The following NME2 variants were observed in gnomAD, a reference collection of about 807,000 sequenced individuals.
The protein encoded by NME2 is NME/NM23 nucleoside diphosphate kinase 2.
In NME2, 18 loss-of-function variants were observed where a neutral mutation model predicts 17.8. The ratio of observed to expected loss-of-function variants is 1.01; its 90% confidence interval spans 0.70 to 1.50. NME2 has a LOEUF of 1.50. Ranked by LOEUF, NME2 falls within the 40% of genes most tolerant of loss-of-function variation. NME2 has a pLI of 0.00. For missense variants in NME2, 161 were observed against 195.6 expected, an observed-to-expected ratio of 0.82 and a Z score of 1.05; for synonymous variants, 74 against 71.4, an observed-to-expected ratio of 1.04 and a Z score of -0.19.
intron 3 of NME2, among the ~76,000 whole-genome samples, chr17:51,169,152 GGA>G (rs1397844596): frequency 6.6e-6 from 1 of 151,788 alleles, no homozygotes. Context: ...GAGAATATGA[GGA>G]GAGAGTGGCT....
rs148052705 is a variant in NME2 at position 51,171,601 on chromosome 17, A to G, written c.456A>G (p.Glu152=). ...CTTGTGCTCATGACTGGGTCTATGA[A>G]TAAGAGGTGGACACAACAGCAGTCT... is the stretch of plus-strand genomic sequence containing the variant. ...YKSCAHDWVY[E] Residue 152 remains glutamate (E), a synonymous_variant, in exon 5 of 5, where the codon GAA becomes GAG. Transcript: ENST00000512737. 142 of 1,612,150 alleles carry G rather than the reference A, an allele frequency of 8.8e-5. No individual in the cohort carries two copies. The highest frequency in any genetic ancestry group is 1.1e-4 in the Non-Finnish European group (135 of 1,178,382).
chr17:51,166,727 C>G (rs1396469066), intron 1 of NME2, 100 bp from the exon 2 acceptor site: 1 of 1,275,110 alleles, frequency 7.8e-7, no homozygotes, highest in African/African-American at 1.6e-5. Flanking sequence ...TCCCCGCGGC[C>G]GCGCGTGGTG....
chr17:51,170,565 A>G (rs2050050452), intron 4 of NME2, among the ~76,000 whole-genome samples: 1 of 151,692 alleles, frequency 6.6e-6, no homozygotes, highest in African/African-American at 2.4e-5. Context: ...AGATGGGTGG[A>G]TCACCTGAAG....
Position 51,170,625 on chromosome 17 carries a change from T to C in NME2, c.341+576T>C, listed in dbSNP as rs560258416. On this transcript the variant is annotated intron_variant, in intron 4 of 4. Coordinates refer to ENST00000512737, the MANE Select transcript of NME2 (RefSeq NM_002512.4). ...GCCTGGCCAACATGAACCCCGTCTC[T>C]ACTAAAAGTAAAAAATTAGGGCATG... Among the ~76,000 whole-genome samples, 6 of 151,764 alleles carry C rather than the reference T, an allele frequency of 4.0e-5. No individual in the cohort carries two copies. In the East Asian group the frequency reaches 1.2e-3, roughly 30 times the overall value.
chr17:51,167,120 C>A (rs2049961110), intron 2 of NME2, 164 bp downstream of exon 2: 1 of 1,453,694 alleles, frequency 6.9e-7, no homozygotes, highest in African/African-American at 1.4e-5. Context: ...CGACCCTTTC[C>A]CGGGGTGGTG....
intron 3 of NME2, among the ~76,000 whole-genome samples, chr17:51,168,628 G>A (rs1480264484): frequency 3.3e-5 from 5 of 152,016 alleles, no homozygotes; most frequent in East Asian, 3.9e-4. Context: ...CCGAGATCGT[G>A]CCACTGCACT....
chr17:51,166,701 G>T (rs985246302), intron 1 of NME2, 126 bp from the exon 2 acceptor site: 101 of 1,050,402 alleles, frequency 9.6e-5, no homozygotes, highest in Admixed American at 4.0e-4. Flanking sequence ...GGCGGAAGCG[G>T]CCGGGAAGCC....
intron 4 of NME2, among the ~76,000 whole-genome samples, chr17:51,170,519 G>C (rs2050049222): frequency 1.3e-5 from 2 of 151,814 alleles, no homozygotes; most frequent in African/African-American, 4.8e-5. Context: ...TCAGGCCAGG[G>C]GTTTACGCCT....
chr17:51,168,382 G>C lies in NME2; in HGVS notation c.228+39G>C, dbSNP rs532948611. On this transcript the variant is annotated intron_variant, in intron 3 of 4. Transcript: ENST00000512737. ...GGGAATGAGAGAAAATGAGGAAAAAGTGCTCAGTGTTCTTTGTTAGACATC... is the reference window on the plus strand; with the variant it reads ...GGGAATGAGAGAAAATGAGGAAAAACTGCTCAGTGTTCTTTGTTAGACATC... 24 of 1,601,094 alleles carry C rather than the reference G, an allele frequency of 1.5e-5. No homozygotes were observed. In the South Asian group the frequency reaches 2.4e-4, roughly 16 times the overall value.
At position 51,166,931 on chromosome 17, in the gene NME2, G is replaced by T. The variant is rs868096108; in HGVS notation, c.101G>T (p.Arg34Leu). 1 of 1,613,664 alleles carries T rather than the reference G, an allele frequency of 6.2e-7. No homozygotes were observed. Among genetic ancestry groups the T allele is most frequent in the Middle Eastern group, 1.6e-4 (1 of 6,062 alleles). Reference protein sequence around the residue: ...IIKRFEQKGFRLVAMKFLRAS... With the variant: ...IIKRFEQKGFLLVAMKFLRAS... ...AAGCGCTTCGAGCAGAAGGGATTCC[G>T]CCTCGTGGCCATGAAGTTCCTCCGG... The change falls in exon 2 of 5, where the codon CGC becomes CTC. Residue 34 changes from arginine to leucine, a missense_variant. Arg to Leu is a moderately radical substitution (Grantham distance 102). Coordinates refer to ENST00000512737, the MANE Select transcript of NME2 (RefSeq NM_002512.4).
intron 3 of NME2, chr17:51,169,491 T>C (rs2050022065): frequency 6.5e-6 from 1 of 154,500 alleles, no homozygotes; most frequent in African/African-American, 2.4e-5. Flanking sequence ...GGCAGTGAAA[T>C]TGTTGAGAAA....
intron 1 of NME2, 87 bp from the exon 2 acceptor site, chr17:51,166,740 G>T: frequency 7.3e-7 from 1 of 1,378,214 alleles, no homozygotes; most frequent in Non-Finnish European, 9.4e-7. Context: ...GCGTGGTGGG[G>T]GAGGAGGGAC....
At chr17:51,167,885 GAGGCTGAGGT>G in intron 2 of NME2, 1 of 156,606 alleles carries the variant, frequency 6.4e-6, no homozygotes, top group East Asian at 1.9e-4. Flanking sequence ...AGCTACTTGG[GAGGCTGAGGT>G]AGGAAAATCA....
At chr17:51,167,584 C>T (rs2049975108) in intron 2 of NME2, among the ~76,000 whole-genome samples, 1 of 152,180 alleles carries the variant, frequency 6.6e-6, no homozygotes, top group African/African-American at 2.4e-5. Flanking sequence ...GACATATGTA[C>T]TTCAGTTGCA....
chr17:51,166,611 G>A (rs1440532385), intron 1 of NME2, 114 bp downstream of exon 1: 1 of 331,790 alleles, frequency 3.0e-6, no homozygotes, highest in East Asian at 5.7e-5. Flanking sequence ...GGTCCCGCGC[G>A]GCGTCGGAGC....
At chr17:51,170,782 C>T (rs1258288529) in intron 4 of NME2, among the ~76,000 whole-genome samples, 3 of 140,624 alleles carry the variant, frequency 2.1e-5, no homozygotes, top group East Asian at 2.0e-4. Flanking sequence ...AACAAAACTC[C>T]GTCTCAAAAA....
intron 3 of NME2, chr17:51,169,655 A>G (rs2050025779): frequency 3.1e-6 from 1 of 320,240 alleles, no homozygotes; most frequent in Non-Finnish European, 5.7e-6. Flanking sequence ...TCCTTTCTTC[A>G]CCAGTTCTTC....
chr17:51,167,711 G>T (rs1386491710), intron 2 of NME2, among the ~76,000 whole-genome samples: 2 of 152,212 alleles, frequency 1.3e-5, no homozygotes, highest in Non-Finnish European at 2.9e-5. Flanking sequence ...GTCTTGGCCA[G>T]GCGCGGGGCT....
At chr17:51,167,329 T>TAA in intron 2 of NME2, 1 of 293,428 alleles carries the variant, frequency 3.4e-6, no homozygotes, top group South Asian at 3.0e-5. Context: ...TCTCCTTTGC[T>TAA]TTAGTCTGAA....
Sources: allele counts gnomAD v4.1 joint callset (sites outside exome capture counted in the v4.1 genomes callset), GRCh38; gene constraint gnomAD v4.1.1; transcripts MANE v1.5; gene names NCBI Gene and HGNC (gene_info 2026-07-23, HGNC 2026-07-21).